TBC1D1: variants seen among roughly 807,000 people sequenced by gnomAD.
The protein encoded by TBC1D1 is TBC1 (tre-2/USP6, BUB2, cdc16) domain family, member 1.
A neutral mutation model predicts 125.6 loss-of-function variants in TBC1D1; 89 were observed. The ratio of observed to expected loss-of-function variants is 0.71; its 90% CI spans 0.60 to 0.85. The LOEUF (loss-of-function observed/expected upper bound fraction) is 0.85, where lower values mean the gene tolerates loss of function less well. Ranked by LOEUF, TBC1D1 falls within the 40% of genes least tolerant of loss-of-function variation. The pLI is 0.00. For missense variants in TBC1D1, 1,377 were observed against 1,469.2 expected, an observed-to-expected ratio of 0.94 and a Z score of 1.03; for synonymous variants, 565 against 564.1, an observed-to-expected ratio of 1.00 and a Z score of -0.02.
chr4:38,001,378 G>A (rs1323862212), intron 2 of TBC1D1, among the ~76,000 whole-genome samples: 2 of 152,166 alleles, frequency 1.3e-5, no homozygotes, highest in African/African-American at 4.8e-5. Flanking sequence ...CAACCCAGGA[G>A]CTCCCTGAAT....
rs577094706 is a variant in TBC1D1 at position 37,926,602 on chromosome 4, A to G, written c.417+24090A>G. On this transcript the variant is annotated intron_variant, in intron 2 of 19. Coordinates refer to ENST00000261439, the MANE Select transcript of TBC1D1 (RefSeq NM_015173.4). ...ATCGAGGTGATGCGGCCCCACTTCT[A>G]GGTGAGCCCTGGTGATGTGGCCCTC... Among the ~76,000 whole-genome samples the G allele has an allele frequency of 2.0e-5, 3 of 152,270 alleles. No individual in the cohort carries two copies. The East Asian group carries it at 5.8e-4, about 29-fold the overall frequency.
chr4:37,921,109 CAAAAAAAAA>C (rs1188232681), intron 2 of TBC1D1, among the ~76,000 whole-genome samples: 1 of 71,986 alleles, frequency 1.4e-5, no homozygotes, highest in African/African-American at 5.8e-5. Context: ...GACTCCGTCT[CAAAAAAAAA>C]AAAAAAAAAA....
intron 2 of TBC1D1, among the ~76,000 whole-genome samples, chr4:37,909,910 T>C (rs1469513362): frequency 6.6e-6 from 1 of 152,190 alleles, no homozygotes; most frequent in African/African-American, 2.4e-5. Context: ...AGACAGAAGT[T>C]GGTTGCTGGG....
chr4:38,131,137 AG>A (rs1765518963), intron 18 of TBC1D1, among the ~76,000 whole-genome samples: 1 of 152,210 alleles, frequency 6.6e-6, no homozygotes, highest in South Asian at 2.1e-4. Context: ...ATTGTGACCC[AG>A]GGTGGTTCCT....
chr4:37,968,647 A>C (rs1731485454), intron 2 of TBC1D1, among the ~76,000 whole-genome samples: 2 of 152,146 alleles, frequency 1.3e-5, no homozygotes, highest in Admixed American at 1.3e-4. Context: ...TCATGAACCA[A>C]TTTATTGAGC....
intron 2 of TBC1D1, among the ~76,000 whole-genome samples, chr4:38,007,661 TA>T (rs1740612084): frequency 6.6e-6 from 1 of 152,200 alleles, no homozygotes; most frequent in African/African-American, 2.4e-5. Context: ...CCACCCTGTT[TA>T]GTCATTTATG....
intron 2 of TBC1D1, chr4:37,952,646 G>A (rs1480619574): frequency 6.5e-6 from 1 of 154,148 alleles, no homozygotes; most frequent in Non-Finnish European, 1.4e-5. Flanking sequence ...GGTGAGGGGA[G>A]GGAGAGCATT....
At position 38,002,898 on chromosome 4, in the gene TBC1D1, C is replaced by G. The variant is rs535489804; in HGVS notation, c.418-11611C>G. Among the ~76,000 whole-genome samples, 8 of 152,216 alleles carry G rather than the reference C, an allele frequency of 5.3e-5. No homozygotes were observed. In the South Asian group the frequency reaches 1.5e-3, roughly 28 times the overall value. Reference sequence around the variant, plus strand: ...AAATGTTAAGAAAGCAGATGGATCCCAGAACAGACCAGTTTAAGAAAGCAG... The same window carrying G: ...AAATGTTAAGAAAGCAGATGGATCCGAGAACAGACCAGTTTAAGAAAGCAG... On this transcript the variant is annotated intron_variant, in intron 2 of 19. Coordinates refer to ENST00000261439, the MANE Select transcript of TBC1D1 (RefSeq NM_015173.4).
At chr4:37,943,166 C>T (rs1453309899) in intron 2 of TBC1D1, among the ~76,000 whole-genome samples, 1 of 152,352 alleles carries the variant, frequency 6.6e-6, no homozygotes, top group East Asian at 1.9e-4. Context: ...TATTGGCCCC[C>T]ACTCTCTTCT....
At chr4:38,048,200 T>C (rs758386030) in intron 10 of TBC1D1, among the ~76,000 whole-genome samples, 5 of 152,204 alleles carry the variant, frequency 3.3e-5, no homozygotes, top group African/African-American at 7.2e-5. Flanking sequence ...AAAAAATTGA[T>C]CACCTAGGAG....
At chr4:38,099,752 G>C (rs1007684102) in intron 14 of TBC1D1, among the ~76,000 whole-genome samples, 1 of 152,204 alleles carries the variant, frequency 6.6e-6, no homozygotes, top group Non-Finnish European at 1.5e-5. Flanking sequence ...TGGGTTAGGA[G>C]TGAAGGCAGC....
At chr4:38,069,981 C>G (rs1470714716) in intron 12 of TBC1D1, among the ~76,000 whole-genome samples, 1 of 152,170 alleles carries the variant, frequency 6.6e-6, no homozygotes, top group African/African-American at 2.4e-5. Context: ...TTGGCCACCC[C>G]TGTCCTAGGC....
At chr4:38,133,586 A>G (rs1765973655) in intron 19 of TBC1D1, among the ~76,000 whole-genome samples, 1 of 152,238 alleles carries the variant, frequency 6.6e-6, no homozygotes, top group Admixed American at 6.5e-5. Flanking sequence ...CATTACTCAA[A>G]GAGAATCTAA....
chr4:38,124,875 G>C, intron 17 of TBC1D1, 87 bp from the exon 20 acceptor site: 1 of 1,161,490 alleles, frequency 8.6e-7, no homozygotes, highest in South Asian at 1.4e-5. Flanking sequence ...CCACACTCCT[G>C]CTCTGTGATG....
chr4:37,928,643 G>A (rs1722638340), intron 2 of TBC1D1, among the ~76,000 whole-genome samples: 1 of 152,194 alleles, frequency 6.6e-6, no homozygotes, highest in Non-Finnish European at 1.5e-5. Flanking sequence ...TGATTTTGCA[G>A]CTTGTCTGCA....
Position 38,014,010 on chromosome 4 carries a change from A to G in TBC1D1, c.418-499A>G, listed in dbSNP as rs1334612470. 6.6e-6 allele frequency among the ~76,000 whole-genome samples: 1 copy of G among 152,234 alleles called. No homozygotes were observed. The highest frequency in any genetic ancestry group is 2.4e-5 in the African/African-American group (1 of 41,458). ...TAATTTCAGAGCCTTTGTCTTCTTC[A>G]TCCCACCATTTATTAAAGAAGACTT... On this transcript the variant is annotated intron_variant, in intron 2 of 19. Coordinates refer to ENST00000261439, the MANE Select transcript of TBC1D1 (RefSeq NM_015173.4). The surrounding 1 kb of genome is among the most constrained non-coding windows in gnomAD (Gnocchi z 5.1).
At chr4:38,087,870 A>G (rs1309065526) in intron 12 of TBC1D1, among the ~76,000 whole-genome samples, 1 of 149,760 alleles carries the variant, frequency 6.7e-6, no homozygotes, top group South Asian at 2.1e-4. Context: ...AAAGAAAAAA[A>G]AAAAAAAGAA....
At chr4:38,057,696 G>A (rs986280020) in intron 12 of TBC1D1, among the ~76,000 whole-genome samples, 1 of 152,196 alleles carries the variant, frequency 6.6e-6, no homozygotes, top group South Asian at 2.1e-4. Context: ...TTTATACTCT[G>A]CTAAGTGCTT....
Position 37,977,434 on chromosome 4 carries a change from G to A in TBC1D1, c.418-37075G>A, listed in dbSNP as rs1169913900. On this transcript the variant is annotated intron_variant, in intron 2 of 19. Transcript: ENST00000261439. This position sits in a 1 kb window ranked among gnomAD's most constrained non-coding sequence, Gnocchi z 4.3. ...CCCAAGCCCGCCCCCGGCCGCCCGC[G>A]GGCCCACGGGCCGGCGGCGGGAGTG... 1 of 967,818 alleles carries A rather than the reference G, an allele frequency of 1.0e-6. No homozygotes were observed. The highest frequency in any genetic ancestry group is 1.8e-5 in the African/African-American group (1 of 56,226). The allele number at this position is 967,818 out of a possible 1,614,324, so 60.0% of individuals were successfully genotyped here.
Sources: allele counts gnomAD v4.1 joint callset (sites outside exome capture counted in the v4.1 genomes callset), GRCh38; gene constraint gnomAD v4.1.1; non-coding constraint Gnocchi (gnomAD v3.1); transcripts MANE v1.5; gene names NCBI Gene and HGNC (gene_info 2026-07-23, HGNC 2026-07-21).